Variants in TXNRD3 observed in about 807,000 individuals in gnomAD.
TXNRD3 encodes TXNRD3 neighbor gene protein.
In TXNRD3, 68 loss-of-function variants were observed where a neutral mutation model predicts 78.2. The ratio of observed to expected loss-of-function variants is 0.87; its 90% CI spans 0.72 to 1.06. The LOEUF (loss-of-function observed/expected upper bound fraction) is 1.06, where lower values mean the gene tolerates loss of function less well. Among genes scored for constraint, TXNRD3 ranks in the 50% least tolerant of loss-of-function variants. The pLI is 0.00. For synonymous variants in TXNRD3, 296 were observed against 300.1 expected, an observed-to-expected ratio of 0.99 and a Z score of 0.14; for missense variants, 751 against 809.5, an observed-to-expected ratio of 0.93 and a Z score of 0.88.
In TXNRD3 at chr3:126,629,454, T is replaced by C. The variant is rs1938659230; in HGVS notation, c.1215A>G (p.Lys405=). The C allele has an allele frequency of 1.3e-6, 2 of 1,535,378 alleles. No homozygotes were observed. The highest frequency in any genetic ancestry group is 2.4e-5 in the South Asian group (2 of 84,018). ...ACACTTTCAGCTTTCCAGGTGAACC[T>C]TTCTCCAACTGTTGAACCTAGTAAG... The change falls in exon 10 of 16, where the codon AAA becomes AAG. Residue 405 remains lysine (K), a synonymous_variant. Transcript: ENST00000524230.
intron 3 of TXNRD3, among the ~76,000 whole-genome samples, chr3:126,645,186 A>G (rs996637063): frequency 1.3e-5 from 2 of 152,198 alleles, no homozygotes; most frequent in African/African-American, 4.8e-5. Flanking sequence ...GGTTTTAGGG[A>G]CATTCTAAAA....
intron 5 of TXNRD3, 74 bp downstream of exon 5, chr3:126,643,907 G>T (rs1032437040): frequency 4.9e-5 from 67 of 1,359,078 alleles, no homozygotes; most frequent in Non-Finnish European, 6.7e-5. Flanking sequence ...ATTGTTGTGA[G>T]GATTAAATGA....
At position 126,654,862 on chromosome 3, in the gene TXNRD3, G is replaced by A; in HGVS notation, c.129C>T (p.Pro43=). The A allele has an allele frequency of 1.5e-6, 2 of 1,346,042 alleles. No homozygotes were observed. Among genetic ancestry groups the A allele is most frequent in the Non-Finnish European group, 1.9e-6 (2 of 1,056,354 alleles). The allele number at this position is 1,346,042 out of a possible 1,614,324, so 83.4% of individuals were successfully genotyped here. ...GGGCCTCGGACGAGCGGCTGGGCCC[G>A]GGGGACGACAGGCGGGCACGGCGCC... The change falls in exon 1 of 16, where the codon CCC becomes CCT. Residue 43 remains proline, a synonymous_variant. Transcript: ENST00000524230.
intron 12 of TXNRD3, among the ~76,000 whole-genome samples, chr3:126,621,100 A>G (rs1376837057): frequency 6.6e-6 from 1 of 152,166 alleles, no homozygotes; most frequent in East Asian, 1.9e-4. Flanking sequence ...GCCCACCTGA[A>G]AAGTCCTCCG....
At chr3:126,628,302 C>T (rs930916570) in intron 10 of TXNRD3, among the ~76,000 whole-genome samples, 17 of 152,156 alleles carry the variant, frequency 1.1e-4, no homozygotes, top group African/African-American at 3.9e-4. Flanking sequence ...CCTGCTATTG[C>T]CATTTCTTGT....
chr3:126,650,460 G>C (rs1429042145), intron 1 of TXNRD3, among the ~76,000 whole-genome samples: 4 of 152,116 alleles, frequency 2.6e-5, no homozygotes, highest in African/African-American at 9.7e-5. Context: ...GGGCAACATG[G>C]TGAAACACTG....
At chr3:126,623,613 G>A (rs1156529654) in intron 10 of TXNRD3, among the ~76,000 whole-genome samples, 2 of 152,248 alleles carry the variant, frequency 1.3e-5, no homozygotes, top group East Asian at 3.9e-4. Context: ...CATCTCAATA[G>A]ATGCAATAAA....
intron 10 of TXNRD3, among the ~76,000 whole-genome samples, chr3:126,628,617 T>G (rs1478144243): frequency 6.6e-6 from 1 of 152,120 alleles, no homozygotes; most frequent in Non-Finnish European, 1.5e-5. Context: ...ATCTAACAGA[T>G]ATTCTTGATC....
At chr3:126,622,402 A>C in intron 11 of TXNRD3, 62 bp downstream of exon 11, 2 of 1,150,346 alleles carry the variant, frequency 1.7e-6, no homozygotes, top group Non-Finnish European at 2.4e-6. Flanking sequence ...AATTTCTTAG[A>C]GGTGATCTGC....
chr3:126,654,325 G>A (rs1213641633), intron 1 of TXNRD3, among the ~76,000 whole-genome samples: 2 of 152,144 alleles, frequency 1.3e-5, no homozygotes, highest in African/African-American at 4.8e-5. Context: ...TACCTTACAC[G>A]TAGGTTATCA....
chr3:126,633,843 A>G, intron 7 of TXNRD3, 66 bp downstream of exon 7: 2 of 1,322,940 alleles, frequency 1.5e-6, no homozygotes, highest in Non-Finnish European at 2.0e-6. Flanking sequence ...ATGAAATTTT[A>G]GTTGAAGGCA....
rs4021853 is a variant in TXNRD3 at position 126,623,852 on chromosome 3, C to CAA, written c.1291-1314_1291-1313dup. Among the ~76,000 whole-genome samples the CAA allele has an allele frequency of 8.1e-3, 912 of 112,000 alleles. 16 individuals are homozygous for CAA. The highest frequency in any genetic ancestry group is 0.039 in the South Asian group (119 of 3,032). The allele number at this position is 112,000 out of a possible 152,430, so 73.5% of individuals were successfully genotyped here. A position where few individuals can be genotyped will look rare whatever the true frequency, so the allele number is the denominator to read the frequency against. On this transcript the variant is annotated intron_variant, in intron 10 of 15. Transcript: ENST00000524230. The stretch of plus-strand genomic sequence containing the variant: ...GAGGTATTAGCCAGTGAAACAAGGC[C>CAA]AAAAAAAAAAAAAAAAAAGATTAAA...
At chr3:126,610,948 T>TAA (rs796461903) in intron 14 of TXNRD3, 89 bp downstream of exon 14, 339 of 726,492 alleles carry the variant, frequency 4.7e-4, no homozygotes, top group Non-Finnish European at 5.1e-4. Flanking sequence ...ATCCCGTCTC[T>TAA]AAAAAAAAAA....
Position 126,630,741 on chromosome 3 carries a change from T to A in TXNRD3, c.1168A>T (p.Lys390Ter). Reference sequence around the variant, plus strand: ...ACAGGTATGAATTTCCGTAGGAACTTCACACCATGCTGCTCCATGTAGGAA... The same window carrying A: ...ACAGGTATGAATTTCCGTAGGAACTACACACCATGCTGCTCCATGTAGGAA... Residue 390 changes from lysine to a stop codon, truncating the protein, a stop_gained, in exon 9 of 16, where the codon AAG (lysine) becomes TAG (stop). Coordinates refer to ENST00000524230, the MANE Select transcript of TXNRD3 (RefSeq NM_052883.3). LOFTEE classifies it high-confidence loss of function. 1 of 1,534,322 alleles carries A rather than the reference T, an allele frequency of 6.5e-7. No individual in the cohort carries two copies. Among genetic ancestry groups the A allele is most frequent in the Non-Finnish European group, 8.7e-7 (1 of 1,146,854 alleles).
intron 6 of TXNRD3, among the ~76,000 whole-genome samples, chr3:126,638,679 G>A (rs545925207): frequency 6.6e-6 from 1 of 152,112 alleles, no homozygotes; most frequent in Non-Finnish European, 1.5e-5. Context: ...GGAACGCAGT[G>A]AGCTGAGACC....
At chr3:126,634,101 T>C in intron 6 of TXNRD3, 50 bp from the exon 7 acceptor site, 1 of 1,398,644 alleles carries the variant, frequency 7.1e-7, no homozygotes, top group South Asian at 1.7e-5. Context: ...TTACCTTTAA[T>C]GGTAAATTAC....
At chr3:126,641,046 C>T (rs1933073554) in intron 6 of TXNRD3, among the ~76,000 whole-genome samples, 2 of 152,278 alleles carry the variant, frequency 1.3e-5, no homozygotes, top group African/African-American at 2.4e-5. Flanking sequence ...CCAGCAACTG[C>T]CTGTCCAGCC....
At chr3:126,611,609 T>C (rs998890946) in intron 13 of TXNRD3, among the ~76,000 whole-genome samples, 1 of 152,194 alleles carries the variant, frequency 6.6e-6, no homozygotes, top group African/African-American at 2.4e-5. Context: ...GTCTCTCACA[T>C]TTCTGTCCCC....
At chr3:126,643,095 T>C (rs1933133743) in intron 5 of TXNRD3, among the ~76,000 whole-genome samples, 1 of 151,984 alleles carries the variant, frequency 6.6e-6, no homozygotes, top group Admixed American at 6.6e-5. Flanking sequence ...GGGGGTGGCC[T>C]TCCACAGGAA....
Sources: allele counts gnomAD v4.1 joint callset (sites outside exome capture counted in the v4.1 genomes callset), GRCh38; gene constraint gnomAD v4.1.1; transcripts MANE v1.5; gene names NCBI Gene and HGNC (gene_info 2026-07-23, HGNC 2026-07-21).